NKAIN2: variants seen among roughly 807,000 people sequenced by gnomAD.
NKAIN2 encodes the protein sodium/potassium transporting ATPase interacting 2, also known as sodium/potassium-transporting ATPase subunit beta-1-interacting protein 2.
Under a neutral mutation model 32.6 loss-of-function variants are expected in NKAIN2, and 14 were observed. The observed-to-expected ratio is 0.43, with a 90% CI of 0.28 to 0.67. The LOEUF is 0.67. NKAIN2 is among the 30% of genes least tolerant of loss of function. The probability of loss-of-function intolerance (pLI) is 0.17; values close to 1 mark genes in which losing one functional copy is unlikely to be tolerated. For synonymous variants in NKAIN2, 80 were observed against 87.2 expected, an observed-to-expected ratio of 0.92 and a Z score of 0.46; for missense variants, 198 against 258.3, an observed-to-expected ratio of 0.77 and a Z score of 1.60.
At chr6:124,117,934 A>C (rs947680433) in intron 1 of NKAIN2, among the ~76,000 whole-genome samples, 4 of 151,340 alleles carry the variant, frequency 2.6e-5, no homozygotes, top group Non-Finnish European at 5.9e-5. Flanking sequence ...GAAAGATGGC[A>C]TACCTTAGGA....
chr6:124,154,610 G>C (rs192428586), intron 1 of NKAIN2, among the ~76,000 whole-genome samples: 21 of 151,924 alleles, frequency 1.4e-4, no homozygotes, highest in Middle Eastern at 3.4e-3. Flanking sequence ...AATGAAAATC[G>C]TATATATTTA....
rs140039756 is a variant in NKAIN2 at position 124,572,600 on chromosome 6, C to G, written c.274-85586C>G. ...GGCGCACACAAAAAAGAGAAGCTGCCTATCATATGAATAGTCACACAAAGA... is the reference window on the plus strand; with the variant it reads ...GGCGCACACAAAAAAGAGAAGCTGCGTATCATATGAATAGTCACACAAAGA... On this transcript the variant is annotated intron_variant, in intron 3 of 6. Transcript: ENST00000368417. Among the ~76,000 whole-genome samples the G allele has an allele frequency of 4.0e-3, 615 of 152,134 alleles. 4 individuals carry two copies. Among genetic ancestry groups the G allele is most frequent in the African/African-American group, 0.014 (569 of 41,496 alleles).
intron 3 of NKAIN2, among the ~76,000 whole-genome samples, chr6:124,391,919 C>G (rs921589379): frequency 1.3e-5 from 2 of 152,094 alleles, no homozygotes; most frequent in African/African-American, 4.8e-5. Context: ...CAACTCAGCA[C>G]TTCTGGTTGT....
intron 1 of NKAIN2, among the ~76,000 whole-genome samples, chr6:124,268,990 T>C (rs1294875828): frequency 6.6e-6 from 1 of 152,180 alleles, no homozygotes; most frequent in Admixed American, 6.5e-5. Flanking sequence ...GTAATGCTAT[T>C]AATATTAATA....
At chr6:124,642,398 A>C (rs1006719502) in intron 3 of NKAIN2, among the ~76,000 whole-genome samples, 42 of 152,200 alleles carry the variant, frequency 2.8e-4, no homozygotes, top group African/African-American at 8.9e-4. Context: ...TACAAGTATT[A>C]CCAGAAAAAT....
chr6:124,375,673 T>C (rs182111455), intron 3 of NKAIN2, among the ~76,000 whole-genome samples: 5 of 151,820 alleles, frequency 3.3e-5, no homozygotes, highest in Admixed American at 2.0e-4. Flanking sequence ...TCAGAAAAGG[T>C]GCTCCCCATT....
chr6:124,346,717 C>G (rs1235913037), intron 2 of NKAIN2, among the ~76,000 whole-genome samples: 1 of 151,624 alleles, frequency 6.6e-6, no homozygotes, highest in Non-Finnish European at 1.5e-5. Flanking sequence ...TTATTTTGAG[C>G]CTATGTGTGT....
At chr6:124,660,119 G>A (rs1174577702) in intron 4 of NKAIN2, among the ~76,000 whole-genome samples, 1 of 151,966 alleles carries the variant, frequency 6.6e-6, no homozygotes, top group African/African-American at 2.4e-5. Flanking sequence ...TCTGTGATTT[G>A]GGGTCAGATA....
intron 3 of NKAIN2, among the ~76,000 whole-genome samples, chr6:124,521,979 A>G (rs1175448544): frequency 6.6e-6 from 1 of 152,176 alleles, no homozygotes; most frequent in Non-Finnish European, 1.5e-5. Context: ...CTAATAGAAA[A>G]TGAAAATGTA....
chr6:124,165,758 C>A (rs1044798463), intron 1 of NKAIN2, among the ~76,000 whole-genome samples: 12 of 148,578 alleles, frequency 8.1e-5, no homozygotes, highest in African/African-American at 2.7e-4. Context: ...TGAGTGAGAA[C>A]ATGTGGTGTT....
At chr6:124,194,190 C>T (rs1012850630) in intron 1 of NKAIN2, among the ~76,000 whole-genome samples, 5 of 151,650 alleles carry the variant, frequency 3.3e-5, no homozygotes, top group African/African-American at 1.2e-4. Context: ...AGCCACTGCC[C>T]CTAACCTGCT....
chr6:124,244,306 T>A (rs987319069), intron 1 of NKAIN2, among the ~76,000 whole-genome samples: 1 of 145,298 alleles, frequency 6.9e-6, no homozygotes, highest in South Asian at 2.2e-4. Context: ...TGATCTCATT[T>A]TTCAATTCCC....
At chr6:124,650,573 G>T (rs1421865477) in intron 3 of NKAIN2, among the ~76,000 whole-genome samples, 1 of 152,112 alleles carries the variant, frequency 6.6e-6, no homozygotes, top group African/African-American at 2.4e-5. Context: ...AAGACAGGGA[G>T]ATATATGAGG....
rs562778925 is a variant in NKAIN2 at position 124,528,851 on chromosome 6, G to A, written c.274-129335G>A. On this transcript the variant is annotated intron_variant, in intron 3 of 6. Transcript: ENST00000368417. ...ATAAGATTATTTTTAAAGCAATTAAGAGATGCCATAAAGGATAAACTAAGA... is the reference window on the plus strand; with the variant it reads ...ATAAGATTATTTTTAAAGCAATTAAAAGATGCCATAAAGGATAAACTAAGA... Among the ~76,000 whole-genome samples the A allele has an allele frequency of 2.0e-5, 3 of 152,274 alleles. No homozygotes were observed. The South Asian group carries it at 6.2e-4, about 32-fold the overall frequency.
chr6:123,962,639 G>C (rs1777898379), intron 1 of NKAIN2, among the ~76,000 whole-genome samples: 1 of 152,072 alleles, frequency 6.6e-6, no homozygotes, highest in African/African-American at 2.4e-5. Flanking sequence ...TTGCACTTTA[G>C]TCATGAGTAG....
chr6:123,822,971 A>G (rs1773988733), intron 1 of NKAIN2, among the ~76,000 whole-genome samples: 1 of 150,054 alleles, frequency 6.7e-6, no homozygotes, highest in African/African-American at 2.5e-5. Flanking sequence ...ATTTTATGTG[A>G]TAAGTAACGT....
At chr6:124,257,617 C>T (rs766085704) in intron 1 of NKAIN2, among the ~76,000 whole-genome samples, 4 of 152,126 alleles carry the variant, frequency 2.6e-5, no homozygotes, top group Admixed American at 6.6e-5. Context: ...AAAAGGTCTA[C>T]TCTAATTTCC....
intron 1 of NKAIN2, among the ~76,000 whole-genome samples, chr6:124,230,931 T>G (rs1334735933): frequency 6.6e-6 from 1 of 152,176 alleles, no homozygotes; most frequent in Admixed American, 6.5e-5. Context: ...AGGGGGCCAC[T>G]GTCCTCCAGA....
intron 4 of NKAIN2, among the ~76,000 whole-genome samples, chr6:124,727,663 A>C (rs1334760212): frequency 6.6e-6 from 1 of 150,836 alleles, no homozygotes; most frequent in East Asian, 2.0e-4. Context: ...CGAGCAAAAT[A>C]AGCAACTAAC....
Sources: allele counts gnomAD v4.1 joint callset (sites outside exome capture counted in the v4.1 genomes callset), GRCh38; gene constraint gnomAD v4.1.1; transcripts MANE v1.5; gene names NCBI Gene and HGNC (gene_info 2026-07-23, HGNC 2026-07-21).